DISC1: variants seen among roughly 807,000 people sequenced by gnomAD.
DISC1 encodes the protein disrupted in schizophrenia 1 protein.
Under a neutral mutation model 84.5 loss-of-function variants are expected in DISC1, and 57 were observed. The observed-to-expected ratio is 0.67, with a 90% CI of 0.55 to 0.84. The LOEUF is 0.84. Ranked by LOEUF, DISC1 falls within the 40% of genes least tolerant of loss-of-function variation. The pLI is 0.00. For missense variants in DISC1, 1,000 were observed against 1,057.8 expected, an observed-to-expected ratio of 0.95 and a Z score of 0.76; for synonymous variants, 411 against 415.2, an observed-to-expected ratio of 0.99 and a Z score of 0.12.
intron 1 of DISC1, among the ~76,000 whole-genome samples, chr1:231,656,919 A>T (rs1044624757): frequency 1.3e-5 from 2 of 152,172 alleles, no homozygotes; most frequent in Non-Finnish European, 2.9e-5. Context: ...CTGGAGGATA[A>T]TGGCTTCCAA....
chr1:231,834,216 G>C (rs533384563), intron 9 of DISC1, among the ~76,000 whole-genome samples: 1 of 152,262 alleles, frequency 6.6e-6, no homozygotes, highest in South Asian at 2.1e-4. Flanking sequence ...AAGGAGGAGA[G>C]GTGATAAAAG....
chr1:231,651,802 C>A (rs532294488), intron 1 of DISC1, among the ~76,000 whole-genome samples: 1 of 152,358 alleles, frequency 6.6e-6, no homozygotes, highest in South Asian at 2.1e-4. Flanking sequence ...ATGGCAGATG[C>A]CCCTCCCTCT....
At chr1:231,994,262 G>A (rs981125534) in intron 10 of DISC1, among the ~76,000 whole-genome samples, 2 of 152,178 alleles carry the variant, frequency 1.3e-5, no homozygotes, top group African/African-American at 4.8e-5. Flanking sequence ...TCCCAGAGGG[G>A]GCCACTGACC....
intron 9 of DISC1, among the ~76,000 whole-genome samples, chr1:231,857,594 CT>C (rs1165603699): frequency 6.6e-6 from 1 of 152,018 alleles, no homozygotes; most frequent in Non-Finnish European, 1.5e-5. Flanking sequence ...TTTTGTGATG[CT>C]GGGATTTTAT....
At chr1:231,971,659 A>T (rs1661975379) in intron 10 of DISC1, among the ~76,000 whole-genome samples, 1 of 152,176 alleles carries the variant, frequency 6.6e-6, no homozygotes, top group African/African-American at 2.4e-5. Context: ...TTATATCTGG[A>T]TGCTGACACC....
At chr1:231,747,867 T>C (rs1326660626) in intron 3 of DISC1, among the ~76,000 whole-genome samples, 1 of 152,174 alleles carries the variant, frequency 6.6e-6, no homozygotes, top group African/African-American at 2.4e-5. Context: ...AATCCATCAG[T>C]ATGGGCTGTC....
Position 231,693,834 on chromosome 1 carries a change from G to T in DISC1, c.76G>T (p.Asp26Tyr). ...GGVSHRAGSR[D>Y]CLPPAACFRR... ...TTTTCTTTTCTTCCCAGGCAGCCGG[G>T]ATTGCTTACCACCTGCAGCGTGCTT... The change falls in exon 2 of 13, where the codon GAT becomes TAT. Residue 26 changes from aspartate (D) to tyrosine (Y), a missense_variant. Physicochemically the swap from Asp to Tyr is radical, Grantham distance 160. Coordinates refer to ENST00000439617, the MANE Select transcript of DISC1 (RefSeq NM_018662.3). 1.2e-6 allele frequency: 2 copies of T among 1,613,590 alleles called. No individual in the cohort carries two copies. Among genetic ancestry groups the T allele is most frequent in the Non-Finnish European group, 1.7e-6 (2 of 1,180,036 alleles).
chr1:231,781,290 A>AGTG (rs2077411324), intron 6 of DISC1, among the ~76,000 whole-genome samples: 3 of 1,840 alleles, frequency 1.6e-3, no homozygotes, highest in Non-Finnish European at 3.6e-3. Flanking sequence ...TGTATTTTAT[A>AGTG]ATGTATTTTA....
At chr1:232,002,609 A>G (rs1310953166) in intron 10 of DISC1, among the ~76,000 whole-genome samples, 2 of 76,522 alleles carry the variant, frequency 2.6e-5, no homozygotes, top group Non-Finnish European at 5.8e-5. Flanking sequence ...ACACACACAC[A>G]CACACACACA....
chr1:231,663,024 G>A (rs999125571), intron 1 of DISC1, among the ~76,000 whole-genome samples: 5 of 151,034 alleles, frequency 3.3e-5, no homozygotes, highest in Non-Finnish European at 5.9e-5. Flanking sequence ...AACGAAAAAC[G>A]TCCAGTCAAA....
intron 9 of DISC1, among the ~76,000 whole-genome samples, chr1:231,901,680 C>T (rs1452523127): frequency 6.6e-6 from 1 of 152,190 alleles, no homozygotes; most frequent in African/African-American, 2.4e-5. Context: ...CCATCATCTT[C>T]TGATCCCATT....
chr1:231,863,220 C>CTT (rs533463099), intron 9 of DISC1, among the ~76,000 whole-genome samples: 872 of 54,790 alleles, frequency 0.016, 130 homozygotes, highest in Non-Finnish European at 0.019. Flanking sequence ...ATAAAATGTT[C>CTT]TTTTTTTTTT....
chr1:231,827,725 G>A (rs2081960105), intron 9 of DISC1, among the ~76,000 whole-genome samples: 2 of 152,190 alleles, frequency 1.3e-5, no homozygotes, highest in African/African-American at 4.8e-5. Context: ...GTCCTGTTAT[G>A]TTTTGGACTT....
At chr1:231,971,476 C>A (rs992813280) in intron 10 of DISC1, among the ~76,000 whole-genome samples, 2 of 152,136 alleles carry the variant, frequency 1.3e-5, no homozygotes, top group Non-Finnish European at 2.9e-5. Context: ...CTGCAGCAGC[C>A]GTGGCAAATG....
intron 10 of DISC1, among the ~76,000 whole-genome samples, chr1:231,992,194 A>T (rs1047354765): frequency 2.0e-5 from 3 of 152,156 alleles, no homozygotes; most frequent in South Asian, 4.2e-4. Context: ...TTACTTTCCT[A>T]AAAAAGGCAG....
At chr1:231,771,714 T>A in intron 6 of DISC1, 1 of 349,892 alleles carries the variant, frequency 2.9e-6, no homozygotes, top group Non-Finnish European at 4.0e-6. Context: ...TGAAGCCCGG[T>A]CTTCTCCACT....
intron 9 of DISC1, among the ~76,000 whole-genome samples, chr1:231,918,514 C>T (rs930121740): frequency 1.8e-4 from 28 of 152,298 alleles, no homozygotes; most frequent in Non-Finnish European, 3.2e-4. Flanking sequence ...GCAGCCCTCA[C>T]GGTGCCTGTG....
intron 1 of DISC1, among the ~76,000 whole-genome samples, chr1:231,649,362 C>T (rs547211870): frequency 6.9e-4 from 105 of 152,210 alleles, no homozygotes; most frequent in Non-Finnish European, 1.2e-3. Context: ...TGTAGTTGTG[C>T]GGTTTTGAGT....
At chr1:231,664,039 T>TATCC (rs57234946) in intron 1 of DISC1, among the ~76,000 whole-genome samples, 78,438 of 146,144 alleles carry the variant, frequency 0.54, 21,462 homozygotes, top group African/African-American at 0.64. Flanking sequence ...TCCATCTATC[T>TATCC]ATCCATCCAT....
Sources: allele counts gnomAD v4.1 joint callset (sites outside exome capture counted in the v4.1 genomes callset), GRCh38; gene constraint gnomAD v4.1.1; transcripts MANE v1.5; gene names NCBI Gene and HGNC (gene_info 2026-07-23, HGNC 2026-07-21).